Variants in FBXL2 observed in about 807,000 individuals in gnomAD.
The protein encoded by FBXL2 is F-box and leucine rich repeat protein 2, also known as F-box/LRR-repeat protein 2.
FBXL2 carries 38 observed loss-of-function variants against 69.2 expected under a neutral mutation model. That is an observed-to-expected ratio of 0.55 (90% CI 0.42 to 0.72). The LOEUF (loss-of-function observed/expected upper bound fraction) is 0.72. Ranked by LOEUF, FBXL2 falls within the 30% of genes least tolerant of loss-of-function variation. The probability of loss-of-function intolerance (pLI) is 0.00; values close to 1 mark genes in which losing one functional copy is unlikely to be tolerated. For synonymous variants in FBXL2, 192 were observed against 201.3 expected (o/e 0.95, Z 0.39); for missense variants, 354 against 520.3 (o/e 0.68, Z 3.11).
the FBXL2 span, among the ~76,000 whole-genome samples, chr3:33,419,219 G>A: frequency 2.0e-5 from 3 of 152,172 alleles, no homozygotes; most frequent in Non-Finnish European, 2.9e-5. Context: ...AGTTGGCCAA[G>A]TGGAGTGGCT....
At chr3:33,293,282 A>G (rs528677077) in intron 1 of FBXL2, among the ~76,000 whole-genome samples, 123 of 152,334 alleles carry the variant, frequency 8.1e-4, no homozygotes, top group Admixed American at 2.0e-3. Context: ...TTCATTCACA[A>G]CTGCCCTTGT....
intron 2 of FBXL2, among the ~76,000 whole-genome samples, chr3:33,350,112 A>AT (rs1375829415): frequency 6.6e-6 from 1 of 152,176 alleles, no homozygotes; most frequent in African/African-American, 2.4e-5. Context: ...CAAGACCAAC[A>AT]TTTTTCATAA....
chr3:33,315,114 A>G (rs2037558274), intron 2 of FBXL2, among the ~76,000 whole-genome samples: 1 of 152,144 alleles, frequency 6.6e-6, no homozygotes. Flanking sequence ...ATTCATTAGA[A>G]TTACTATTTT....
intron 7 of FBXL2, 47 bp from the exon 8 acceptor site, chr3:33,373,531 C>G: frequency 1.9e-6 from 3 of 1,613,506 alleles, no homozygotes; most frequent in East Asian, 2.2e-5. Flanking sequence ...GTCATTAACT[C>G]TCTACAGGAG....
intron 2 of FBXL2, among the ~76,000 whole-genome samples, chr3:33,353,345 A>G (rs535104342): frequency 8.1e-4 from 124 of 152,360 alleles, no homozygotes; most frequent in African/African-American, 3.0e-3. Context: ...TTATAGCAGA[A>G]TTATTCATAA....
chr3:33,398,009 G>A (rs2044074906), intron 12 of FBXL2: 1 of 152,236 alleles, frequency 6.6e-6, no homozygotes, highest in African/African-American at 2.4e-5. Context: ...CAGAAGGCAG[G>A]AGAGGAAATA....
intron 1 of FBXL2, among the ~76,000 whole-genome samples, chr3:33,284,811 T>G (rs1433068087): frequency 6.6e-6 from 1 of 152,232 alleles, no homozygotes; most frequent in East Asian, 1.9e-4. Context: ...TGGCCTTCTT[T>G]GTCTCTTTTG....
chr3:33,359,464 G>A (rs1006752487), intron 4 of FBXL2, 107 bp downstream of exon 4: 5 of 626,730 alleles, frequency 8.0e-6, no homozygotes, highest in Non-Finnish European at 7.8e-6. Flanking sequence ...TTAAAGTGCT[G>A]AGGTAGAACA....
Position 33,277,503 on chromosome 3 carries a change from C to T in FBXL2, c.-10C>T, listed in dbSNP as rs374203728. 2.3e-6 allele frequency: 3 copies of T among 1,300,558 alleles called. No individual in the cohort carries two copies. Among genetic ancestry groups the T allele is most frequent in the African/African-American group, 3.1e-5 (2 of 65,518 alleles). The allele number at this position is 1,300,558 out of a possible 1,614,324, so 80.6% of individuals were successfully genotyped here. ...CTTCGGGCTGTGGGCTCGCTCGCGG[C>T]TCTTCGGCCATGGTGAGTCTGGGAC... On this transcript the variant is annotated 5_prime_UTR_variant, in exon 1 of 15. Transcript: ENST00000484457.
intron 2 of FBXL2, among the ~76,000 whole-genome samples, chr3:33,330,282 C>CAA (rs113208210): frequency 0.012 from 1,405 of 117,740 alleles, 26 homozygotes; most frequent in African/African-American, 0.04. Flanking sequence ...AGACATTGTC[C>CAA]AAAAAAAAAA....
At chr3:33,353,197 A>T (rs1313512562) in intron 2 of FBXL2, among the ~76,000 whole-genome samples, 1 of 152,216 alleles carries the variant, frequency 6.6e-6, no homozygotes, top group Non-Finnish European at 1.5e-5. Context: ...AAAATGGTAC[A>T]GCCAGTTTAG....
At chr3:33,417,829 CA>C in the FBXL2 span, among the ~76,000 whole-genome samples, 1 of 152,118 alleles carries the variant, frequency 6.6e-6, no homozygotes, top group African/African-American at 2.4e-5. Flanking sequence ...TCCATACTCC[CA>C]GGGGGCTTAC....
In FBXL2 at chr3:33,369,071, A is replaced by C. The variant is rs187309995; in HGVS notation, c.291-4021A>C. Among the ~76,000 whole-genome samples, 100 of 126,596 alleles carry C rather than the reference A, an allele frequency of 7.9e-4. 2 individuals carry two copies. Among genetic ancestry groups the C allele is most frequent in the African/African-American group, 2.9e-3 (95 of 32,784 alleles). The allele number at this position is 126,596 out of a possible 152,430, so 83.1% of individuals were successfully genotyped here. A position where few individuals can be genotyped will look rare whatever the true frequency, so the allele number is the denominator to read the frequency against. ...CTTCTTTTAGATTTTTTTTTTTTTGAGACAGGGTCTTGCTCTGTTGCCCAG... is the reference window on the plus strand; with the variant it reads ...CTTCTTTTAGATTTTTTTTTTTTTGCGACAGGGTCTTGCTCTGTTGCCCAG... On this transcript the variant is annotated intron_variant, in intron 5 of 14. Coordinates refer to ENST00000484457, the MANE Select transcript of FBXL2 (RefSeq NM_012157.5).
chr3:33,403,044 A>G (rs982242083), intron 12 of FBXL2: 2 of 754,170 alleles, frequency 2.7e-6, no homozygotes, highest in Non-Finnish European at 4.3e-6. Flanking sequence ...TCACAGACAC[A>G]TGTCAAATTT....
chr3:33,335,233 G>C (rs1018881617), intron 2 of FBXL2, among the ~76,000 whole-genome samples: 2 of 151,518 alleles, frequency 1.3e-5, no homozygotes, highest in African/African-American at 4.9e-5. Context: ...AAACTGAGAG[G>C]ATTCATCACT....
At chr3:33,392,470 C>T (rs2043806837), downstream of FBXL2, 1 of 1,067,966 alleles carries the variant, frequency 9.4e-7, no homozygotes, top group African/African-American at 1.6e-5. Context: ...GTAAAGCAAT[C>T]ATTTTAAAGA....
At chr3:33,310,433 G>C (rs1221433096) in intron 2 of FBXL2, among the ~76,000 whole-genome samples, 1 of 152,058 alleles carries the variant, frequency 6.6e-6, no homozygotes, top group East Asian at 1.9e-4. Context: ...GATTACAGGC[G>C]TGAGCCACCA....
In FBXL2 at chr3:33,385,671, C is replaced by T; in HGVS notation, c.*63C>T. The T allele has an allele frequency of 5.5e-6, 7 of 1,269,602 alleles. No homozygotes were observed. Among genetic ancestry groups the T allele is most frequent in the Middle Eastern group, 1.9e-4 (1 of 5,258 alleles). The allele number at this position is 1,269,602 out of a possible 1,614,324, so 78.6% of individuals were successfully genotyped here. A position where few individuals can be genotyped will look rare whatever the true frequency, so the allele number is the denominator to read the frequency against. On this transcript the variant is annotated 3_prime_UTR_variant, in exon 15 of 15. Transcript: ENST00000484457. ...TTTCCTCTAGAAGACCTGAGTCTTC[C>T]TGACCGACTCCACCATCACCCAATC... is the stretch of plus-strand genomic sequence containing the variant.
At chr3:33,278,619 G>T (rs2125656003) in intron 1 of FBXL2, among the ~76,000 whole-genome samples, 1 of 152,256 alleles carries the variant, frequency 6.6e-6, no homozygotes, top group Middle Eastern at 3.4e-3. Flanking sequence ...GGATGGTGGT[G>T]GGAGGTGGAT....
Sources: gnomAD v4.1 joint callset for allele counts (sites outside exome capture counted in the v4.1 genomes callset) on GRCh38, gnomAD v4.1.1 for gene constraint, MANE v1.5 for transcripts, NCBI Gene and HGNC (gene_info 2026-07-23, HGNC 2026-07-21) for gene names.